The following RALGPS1 variants were observed in gnomAD, a reference collection of about 807,000 sequenced individuals.
RALGPS1 encodes Ral GEF with PH domain and SH3 binding motif 1, also known as ras-specific guanine nucleotide-releasing factor RalGPS1.
Under a neutral mutation model 78.8 loss-of-function variants are expected in RALGPS1, and 19 were observed. The ratio of observed to expected loss-of-function variants is 0.24; its 90% confidence interval spans 0.17 to 0.35. The LOEUF is 0.35. Among genes scored for constraint, RALGPS1 ranks in the 10% least tolerant of loss-of-function variants. The pLI, the probability that RALGPS1 is intolerant of heterozygous loss-of-function variation, is 1.00. For synonymous variants in RALGPS1, 228 were observed against 256.3 expected, an observed-to-expected ratio of 0.89 and a Z score of 1.06; for missense variants, 454 against 688.3, an observed-to-expected ratio of 0.66 and a Z score of 3.81.
chr9:127,045,219 G>T (rs1249510881), intron 5 of RALGPS1, among the ~76,000 whole-genome samples: 1 of 152,182 alleles, frequency 6.6e-6, no homozygotes, highest in South Asian at 2.1e-4. Context: ...TGAGGGATCA[G>T]TGTAACACTT....
intron 1 of RALGPS1, among the ~76,000 whole-genome samples, chr9:126,956,746 C>T (rs906789255): frequency 3.3e-5 from 5 of 152,158 alleles, no homozygotes; most frequent in East Asian, 1.9e-4. Flanking sequence ...TTCTCAGACA[C>T]TTAAAGTTAA....
chr9:126,995,677 A>C (rs367782564), intron 4 of RALGPS1, among the ~76,000 whole-genome samples: 1 of 151,914 alleles, frequency 6.6e-6, no homozygotes, highest in African/African-American at 2.4e-5. Flanking sequence ...TGCACCAAGC[A>C]GACCTAATAG....
At chr9:127,005,254 G>A (rs2043726142) in intron 4 of RALGPS1, among the ~76,000 whole-genome samples, 1 of 152,198 alleles carries the variant, frequency 6.6e-6, no homozygotes, top group Non-Finnish European at 1.5e-5. Flanking sequence ...CATGTTGTCA[G>A]CATCCAAGAA....
chr9:127,170,685 A>G (rs1290194962), intron 10 of RALGPS1, among the ~76,000 whole-genome samples: 1 of 152,234 alleles, frequency 6.6e-6, no homozygotes, highest in Non-Finnish European at 1.5e-5. Flanking sequence ...TATGCTTTAG[A>G]CAGAAAAATG....
At chr9:127,083,737 C>T (rs1469424871) in intron 8 of RALGPS1, among the ~76,000 whole-genome samples, 1 of 152,192 alleles carries the variant, frequency 6.6e-6, no homozygotes, top group African/African-American at 2.4e-5. Flanking sequence ...CCAGTCAAAG[C>T]TGAGAACTTA....
chr9:127,212,292 T>G lies in RALGPS1; in HGVS notation c.1353+56T>G. 2.2e-6 allele frequency: 3 copies of G among 1,350,088 alleles called. No homozygotes were observed. The highest frequency in any genetic ancestry group is 3.1e-6 in the Non-Finnish European group (3 of 967,278). 83.6% of individuals were successfully genotyped at this position (1,350,088 alleles called of 1,614,324 possible). A position where few individuals can be genotyped will look rare whatever the true frequency, so the allele number is the denominator to read the frequency against. ...CAGGGGCTTCCACATCTGTAAATAG[T>G]GCCCACTCCTAGAGGTCTCAGCAAA... is the stretch of plus-strand genomic sequence containing the variant. On this transcript the variant is annotated intron_variant, in intron 15 of 18. Coordinates refer to ENST00000259351, the MANE Select transcript of RALGPS1 (RefSeq NM_014636.3). The surrounding 1 kb of genome is among the most constrained non-coding windows in gnomAD (Gnocchi z 6.0).
chr9:127,007,298 C>G (rs1049861748), intron 4 of RALGPS1, among the ~76,000 whole-genome samples: 12 of 152,198 alleles, frequency 7.9e-5, no homozygotes, highest in Non-Finnish European at 1.5e-4. Context: ...CAGGATAACA[C>G]TCATTTGGTC....
At chr9:127,134,165 G>T (rs185058737) in intron 8 of RALGPS1, among the ~76,000 whole-genome samples, 4 of 152,204 alleles carry the variant, frequency 2.6e-5, no homozygotes, top group African/African-American at 7.2e-5. Flanking sequence ...CCACACACAG[G>T]GGGGGTCTCT....
At chr9:127,203,253 T>C (rs1362923355) in intron 14 of RALGPS1, among the ~76,000 whole-genome samples, 2 of 152,226 alleles carry the variant, frequency 1.3e-5, no homozygotes, top group Admixed American at 6.5e-5. Context: ...GTGAGTTTAT[T>C]TTCCCTGTAT....
At chr9:126,919,010 G>C (rs894408582) in intron 1 of RALGPS1, among the ~76,000 whole-genome samples, 1 of 152,164 alleles carries the variant, frequency 6.6e-6, no homozygotes, top group Non-Finnish European at 1.5e-5. Flanking sequence ...GGAATAAGTT[G>C]TAAGTGTCTT....
At position 127,212,790 on chromosome 9, in the gene RALGPS1, G is replaced by A; in HGVS notation, c.1446+71G>A. The A allele has an allele frequency of 3.3e-6, 5 of 1,524,734 alleles. No homozygotes were observed. Among genetic ancestry groups the A allele is most frequent in the Non-Finnish European group, 4.5e-6 (5 of 1,110,636 alleles). The allele number at this position is 1,524,734 out of a possible 1,614,324, so 94.5% of individuals were successfully genotyped here. On this transcript the variant is annotated intron_variant, in intron 16 of 18. Coordinates refer to ENST00000259351, the MANE Select transcript of RALGPS1 (RefSeq NM_014636.3). The surrounding 1 kb of genome is among the most constrained non-coding windows in gnomAD (Gnocchi z 6.0). ...GGAAGGGACCTCTGTGAACTGTGGA[G>A]GATGGGGGTGGGAAAGGGATCTGTG...
chr9:127,010,327 A>C (rs2044229864), intron 4 of RALGPS1, among the ~76,000 whole-genome samples: 1 of 152,180 alleles, frequency 6.6e-6, no homozygotes, highest in Non-Finnish European at 1.5e-5. Flanking sequence ...ACAGCTCCTG[A>C]GTCCTAGAGA....
intron 5 of RALGPS1, among the ~76,000 whole-genome samples, chr9:127,045,672 C>T (rs895400668): frequency 1.3e-5 from 2 of 151,030 alleles, no homozygotes; most frequent in Non-Finnish European, 2.9e-5. Flanking sequence ...TAGCTTAATA[C>T]AGATATAGAT....
intron 1 of RALGPS1, among the ~76,000 whole-genome samples, chr9:126,958,424 T>C (rs1275388597): frequency 6.6e-6 from 1 of 152,162 alleles, no homozygotes; most frequent in African/African-American, 2.4e-5. Context: ...CCTTGTGTAG[T>C]CAGTTCTGTC....
chr9:126,957,658 G>A (rs1364261510), intron 1 of RALGPS1, among the ~76,000 whole-genome samples: 1 of 152,160 alleles, frequency 6.6e-6, no homozygotes, highest in Non-Finnish European at 1.5e-5. Context: ...TCTTGAGATG[G>A]ATTTACTTTT....
At chr9:127,066,016 G>A (rs567475859) in intron 7 of RALGPS1, among the ~76,000 whole-genome samples, 1 of 152,334 alleles carries the variant, frequency 6.6e-6, no homozygotes, top group African/African-American at 2.4e-5. Context: ...ACTAGATTTA[G>A]CCCTTCTGAA....
intron 7 of RALGPS1, among the ~76,000 whole-genome samples, chr9:127,067,669 C>T (rs2049836436): frequency 6.6e-6 from 1 of 152,232 alleles, no homozygotes; most frequent in South Asian, 2.1e-4. Context: ...TAGGTTCTTG[C>T]ACAGAGCATC....
chr9:127,065,563 T>C (rs2049613280), intron 7 of RALGPS1, among the ~76,000 whole-genome samples: 3 of 152,216 alleles, frequency 2.0e-5, no homozygotes, highest in South Asian at 4.1e-4. Context: ...CTTTTTCTTA[T>C]CCTATCTACC....
intron 8 of RALGPS1, among the ~76,000 whole-genome samples, chr9:127,103,007 C>T (rs2053881972): frequency 6.6e-6 from 1 of 152,370 alleles, no homozygotes; most frequent in South Asian, 2.1e-4. Flanking sequence ...TCGCCACCAT[C>T]ACCACACACA....
Sources: gnomAD v4.1 joint callset for allele counts (sites outside exome capture counted in the v4.1 genomes callset) on GRCh38, gnomAD v4.1.1 for gene constraint, Gnocchi (gnomAD v3.1) non-coding constraint, MANE v1.5 for transcripts, NCBI Gene and HGNC (gene_info 2026-07-23, HGNC 2026-07-21) for gene names.